Variants in PLAUR observed in about 807,000 individuals in gnomAD.
PLAUR encodes plasminogen activator, urokinase receptor.
PLAUR carries 22 observed loss-of-function variants against 33.4 expected under a neutral mutation model. That is an observed-to-expected ratio of 0.66 (90% CI 0.47 to 0.94). The LOEUF is 0.94. Ranked by LOEUF, PLAUR falls within the 40% of genes least tolerant of loss-of-function variation. PLAUR has a pLI of 0.00. For missense variants in PLAUR, 408 were observed against 434.7 expected (o/e 0.94, Z 0.55); for synonymous variants, 148 against 167.3 (o/e 0.88, Z 0.89).
At chr19:43,655,406 C>T in intron 5 of PLAUR, 33 bp downstream of exon 5, 1 of 1,610,866 alleles carries the variant, frequency 6.2e-7, no homozygotes, top group Non-Finnish European at 8.5e-7. Context: ...CCCTGCCCGA[C>T]CCCAGGCCTT....
At chr19:43,661,072 C>T (rs1966965038) in intron 3 of PLAUR, 1 of 152,172 alleles carries the variant, frequency 6.6e-6, no homozygotes, top group Non-Finnish European at 1.5e-5. Context: ...TTTTCTCTTC[C>T]AAGTTTCTTG....
At chr19:43,660,550 C>A (rs1338439842) in intron 3 of PLAUR, 2 of 151,080 alleles carry the variant, frequency 1.3e-5, no homozygotes, top group Admixed American at 1.3e-4. Flanking sequence ...TAGGCATAAT[C>A]CTGCTACTGA....
In PLAUR at chr19:43,648,945, G is replaced by A. The variant is rs1194457626; in HGVS notation, c.953C>T (p.Thr318Ile). The A allele has an allele frequency of 1.2e-6, 2 of 1,614,054 alleles. No homozygotes were observed. The highest frequency in any genetic ancestry group is 2.7e-5 in the African/African-American group (2 of 74,932). ...TCTGGCAGTCATTAGCAGGGTGATG[G>A]TGAGGCTGAGATGGGCAGGGCCAGG... Reference protein sequence around the residue: ...PQPGPAHLSLTITLLMTARLW... With the variant: ...PQPGPAHLSLIITLLMTARLW... Residue 318 changes from threonine (T) to isoleucine (I), a missense_variant, in exon 7 of 7, where the codon ACC becomes ATC. Physicochemically the swap from Thr to Ile is moderately conservative, Grantham distance 89. Transcript: ENST00000340093.
chr19:43,669,216 G>A (rs374356943), intron 1 of PLAUR, among the ~76,000 whole-genome samples: 1 of 152,188 alleles, frequency 6.6e-6, no homozygotes, highest in Non-Finnish European at 1.5e-5. Flanking sequence ...AGAGGGAAAG[G>A]TCCTGAGGGA....
At chr19:43,657,794 T>TTATC (rs1974274710) in intron 3 of PLAUR, among the ~76,000 whole-genome samples, 4 of 152,216 alleles carry the variant, frequency 2.6e-5, no homozygotes, top group African/African-American at 9.6e-5. Flanking sequence ...CAATGCATAT[T>TTATC]TGTTAAATGA....
intron 3 of PLAUR, among the ~76,000 whole-genome samples, chr19:43,664,032 C>A (rs1378621596): frequency 2.0e-5 from 3 of 151,986 alleles, no homozygotes; most frequent in Non-Finnish European, 2.9e-5. Flanking sequence ...GAGTTTGTCC[C>A]AGCACTGACC....
At chr19:43,654,684 T>C (rs1385810943) in intron 5 of PLAUR, among the ~76,000 whole-genome samples, 2 of 151,974 alleles carry the variant, frequency 1.3e-5, no homozygotes, top group African/African-American at 4.8e-5. Context: ...CAGTGAGCCA[T>C]GATCATGCCA....
At chr19:43,650,261 G>A (rs1973942211) in intron 6 of PLAUR, among the ~76,000 whole-genome samples, 1 of 151,086 alleles carries the variant, frequency 6.6e-6, no homozygotes. Context: ...TGCCCGCCTT[G>A]GCCTCCCAAA....
At chr19:43,666,226 C>T (rs528245998) in intron 2 of PLAUR, among the ~76,000 whole-genome samples, 6 of 152,166 alleles carry the variant, frequency 3.9e-5, no homozygotes, top group African/African-American at 1.4e-4. Flanking sequence ...CTGTGCTTGG[C>T]TTCATATACT....
At chr19:43,650,317 TTTTG>T (rs1973946006) in intron 6 of PLAUR, among the ~76,000 whole-genome samples, 1 of 147,908 alleles carries the variant, frequency 6.8e-6, no homozygotes, top group Non-Finnish European at 1.5e-5. Flanking sequence ...CTGGTTTTTT[TTTTG>T]TTGTTTCTTT....
Position 43,665,414 on chromosome 19 carries a change from T to C in PLAUR, c.212A>G (p.Glu71Gly). 6.2e-7 allele frequency: 1 copy of C among 1,613,498 alleles called. No homozygotes were observed. Among genetic ancestry groups the C allele is most frequent in the South Asian group, 1.1e-5 (1 of 91,046 alleles). Residue 71 changes from glutamate to glycine, a missense_variant, in exon 3 of 7, where the codon GAG becomes GGG. By Grantham distance (98) the Glu-to-Gly change is moderately conservative. Coordinates refer to ENST00000340093, the MANE Select transcript of PLAUR (RefSeq NM_002659.4). The part of the protein sequence containing the change: ...ELVEKSCTHS[E>G]KTNRTLSYRT... ...ATAGCTCAGGGTCCTGTTGGTCTTCTCTGAGTGGGTACAGCTTTTCTCCAC... is the reference window on the plus strand; with the variant it reads ...ATAGCTCAGGGTCCTGTTGGTCTTCCCTGAGTGGGTACAGCTTTTCTCCAC...
rs749807045 is a variant in PLAUR, at chr19:43,648,689, T to G, written c.*201A>C. The G allele has an allele frequency of 2.6e-6, 2 of 761,108 alleles. No individual in the cohort carries two copies. The highest frequency in any genetic ancestry group is 3.9e-6 in the Non-Finnish European group (2 of 508,692). 47.1% of individuals were successfully genotyped at this position (761,108 alleles called of 1,614,324 possible). A position where few individuals can be genotyped will look rare whatever the true frequency, so the allele number is the denominator to read the frequency against. On this transcript the variant is annotated 3_prime_UTR_variant, in exon 7 of 7. Transcript: ENST00000340093. ...TTAATAATAACAAGAGCTCTCCCAT[T>G]GGCCCACGGCCTTCCTCCAGCTTTT...
chr19:43,653,770 G>T (rs960109607), intron 5 of PLAUR, among the ~76,000 whole-genome samples: 1 of 152,156 alleles, frequency 6.6e-6, no homozygotes, highest in African/African-American at 2.4e-5. Context: ...GCTTGAGCCT[G>T]GGAGTTTGAT....
chr19:43,651,015 G>A (rs1351243743), intron 6 of PLAUR, among the ~76,000 whole-genome samples: 1 of 146,098 alleles, frequency 6.8e-6, no homozygotes, highest in African/African-American at 2.5e-5. Context: ...CCTGGCGACA[G>A]AGCAAGACTC....
intron 3 of PLAUR, among the ~76,000 whole-genome samples, chr19:43,664,277 A>T (rs1967131443): frequency 6.6e-6 from 1 of 152,202 alleles, no homozygotes; most frequent in African/African-American, 2.4e-5. Flanking sequence ...GTGCAAACGC[A>T]GCACTCTGCT....
intron 3 of PLAUR, among the ~76,000 whole-genome samples, chr19:43,659,406 G>A (rs949384320): frequency 1.3e-5 from 2 of 152,010 alleles, no homozygotes; most frequent in African/African-American, 2.4e-5. Flanking sequence ...TGCCGCTTCG[G>A]CCTCCTAAAG....
chr19:43,652,495 G>A (rs1404581427), intron 5 of PLAUR, 124 bp from the exon 6 acceptor site: 2 of 903,908 alleles, frequency 2.2e-6, no homozygotes, highest in African/African-American at 3.3e-5. Flanking sequence ...TTGTGGTCAG[G>A]CGTCTGAATG....
chr19:43,670,017 C>G, intron 1 of PLAUR, 49 bp downstream of exon 1: 1 of 1,583,320 alleles, frequency 6.3e-7, no homozygotes, highest in Non-Finnish European at 8.7e-7. Context: ...CCCCAACCCC[C>G]TCAATTAGAC....
At chr19:43,664,652 T>G (rs574417793) in intron 3 of PLAUR, among the ~76,000 whole-genome samples, 1 of 152,322 alleles carries the variant, frequency 6.6e-6, no homozygotes, top group Non-Finnish European at 1.5e-5. Flanking sequence ...ACTGCCCAAG[T>G]CAGAGACCAT....
Sources: gnomAD v4.1 joint callset for allele counts (sites outside exome capture counted in the v4.1 genomes callset) on GRCh38, gnomAD v4.1.1 for gene constraint, MANE v1.5 for transcripts, NCBI Gene and HGNC (gene_info 2026-07-23, HGNC 2026-07-21) for gene names.